The following FRMD4A variants were observed in gnomAD, a reference collection of about 807,000 sequenced individuals.
FRMD4A encodes the protein FERM domain containing 4A.
FRMD4A carries 29 observed loss-of-function variants against 129.1 expected under a neutral mutation model. The ratio of observed to expected loss-of-function variants is 0.22; its 90% CI spans 0.17 to 0.31. The LOEUF (loss-of-function observed/expected upper bound fraction) is 0.31. Ranked by LOEUF, FRMD4A falls within the 10% of genes least tolerant of loss-of-function variation. FRMD4A has a pLI of 1.00. For synonymous variants in FRMD4A, 634 were observed against 571.6 expected (o/e 1.11, Z -1.56); for missense variants, 1,272 against 1,375.8 (o/e 0.92, Z 1.19).
chr10:13,774,052 CCTCT>C (rs1446942705), intron 6 of FRMD4A, among the ~76,000 whole-genome samples: 1 of 152,212 alleles, frequency 6.6e-6, no homozygotes, highest in Non-Finnish European at 1.5e-5. Flanking sequence ...TGGCCAATGT[CCTCT>C]CTATCACCCA....
At chr10:13,882,478 C>A (rs193247202) in intron 2 of FRMD4A, among the ~76,000 whole-genome samples, 68 of 152,292 alleles carry the variant, frequency 4.5e-4, no homozygotes, top group African/African-American at 1.5e-3. Flanking sequence ...GACCAGTAAT[C>A]ACAAAGGGAA....
intron 2 of FRMD4A, among the ~76,000 whole-genome samples, chr10:14,137,304 A>G (rs1363103429): frequency 6.6e-6 from 1 of 152,208 alleles, no homozygotes. Context: ...CAAGATTTGC[A>G]GTCTACACAC....
chr10:13,714,012 C>T (rs367947525), intron 12 of FRMD4A, among the ~76,000 whole-genome samples: 2 of 4,708 alleles, frequency 4.2e-4, no homozygotes, highest in Non-Finnish European at 9.5e-4. Flanking sequence ...ATATAATATA[C>T]ATATATAAAA....
At chr10:14,087,331 A>G (rs917695039) in intron 2 of FRMD4A, among the ~76,000 whole-genome samples, 11 of 147,442 alleles carry the variant, frequency 7.5e-5, no homozygotes, top group Non-Finnish European at 1.6e-4. Flanking sequence ...TTTATAATAT[A>G]TAAATTATAT....
intron 2 of FRMD4A, among the ~76,000 whole-genome samples, chr10:14,239,398 C>T (rs189812504): frequency 8.1e-4 from 123 of 152,236 alleles, no homozygotes; most frequent in East Asian, 7.0e-3. Context: ...GAGGCCGAGG[C>T]GGGCGGATCA....
chr10:13,863,521 T>C (rs1013771219), intron 2 of FRMD4A, among the ~76,000 whole-genome samples: 1 of 151,458 alleles, frequency 6.6e-6, no homozygotes, highest in Non-Finnish European at 1.5e-5. Flanking sequence ...ACCCAGGAGG[T>C]GGTGGTTGCA....
rs559386903 is a variant in FRMD4A, at chr10:14,286,494, G to A, written c.45+43564C>T. Among the ~76,000 whole-genome samples, 11 of 152,196 alleles carry A rather than the reference G, an allele frequency of 7.2e-5. No homozygotes were observed. The East Asian group carries it at 2.1e-3, about 29-fold the overall frequency. On this transcript the variant is annotated intron_variant, in intron 2 of 24. Transcript: ENST00000357447. ...TAAGTAGTGGCTTGAGAAACAATGT[G>A]CCAGGAAAATCAAAATTTTTATGAT... is the stretch of plus-strand genomic sequence containing the variant.
At chr10:13,750,105 AAATG>A (rs145835262) in intron 8 of FRMD4A, among the ~76,000 whole-genome samples, 13,165 of 45,368 alleles carry the variant, frequency 0.29, 1,021 homozygotes, top group African/African-American at 0.38. Flanking sequence ...AGAAAGAAAG[AAATG>A]AAGAAAGAAA....
At chr10:14,178,963 C>T (rs140425861) in intron 2 of FRMD4A, among the ~76,000 whole-genome samples, 10 of 152,220 alleles carry the variant, frequency 6.6e-5, no homozygotes, top group Non-Finnish European at 1.2e-4. Flanking sequence ...TTAGCAAATG[C>T]CCTTGCCCTT....
chr10:14,175,542 T>TTA (rs1589129424), intron 2 of FRMD4A, among the ~76,000 whole-genome samples: 2 of 141,546 alleles, frequency 1.4e-5, no homozygotes, highest in African/African-American at 5.2e-5. Flanking sequence ...TTTTTTTTTT[T>TTA]ACAGGGTGTC....
intron 19 of FRMD4A, among the ~76,000 whole-genome samples, chr10:13,662,177 C>T (rs1169339279): frequency 1.3e-5 from 2 of 152,206 alleles, no homozygotes; most frequent in Non-Finnish European, 2.9e-5. Context: ...CAGAGGCCAA[C>T]CGCAGGGCTG....
At chr10:14,214,281 GC>G (rs1843011151) in intron 2 of FRMD4A, among the ~76,000 whole-genome samples, 1 of 152,128 alleles carries the variant, frequency 6.6e-6, no homozygotes, top group African/African-American at 2.4e-5. Context: ...CTACCTGGAG[GC>G]CCTGAACACA....
chr10:13,812,721 A>C (rs2093470779), intron 3 of FRMD4A, among the ~76,000 whole-genome samples: 2 of 152,188 alleles, frequency 1.3e-5, no homozygotes, highest in African/African-American at 4.8e-5. Flanking sequence ...ACTGATGAAA[A>C]CCACTTAAAC....
chr10:13,659,325 C>T lies in FRMD4A; in HGVS notation c.2064G>A (p.Thr688=), dbSNP rs368485922. ...GCAGGAAGGCCAGGCAGACTCACCT[C>T]GTGGAATGGACGTAGTGGGGACTCC... ...RVRSPHYVHS[T]RSVDISPTRL... Residue 688 remains threonine, a splice_region_variant and synonymous_variant, in exon 21 of 25, where the codon ACG becomes ACA. Transcript: ENST00000357447. 32 of 1,613,692 alleles carry T rather than the reference C, an allele frequency of 2.0e-5. No individual in the cohort carries two copies. Among genetic ancestry groups the T allele is most frequent in the South Asian group, 3.3e-5 (3 of 91,080 alleles).
At chr10:13,739,793 G>C (rs2090877785) in intron 11 of FRMD4A, among the ~76,000 whole-genome samples, 1 of 152,118 alleles carries the variant, frequency 6.6e-6, no homozygotes, top group Non-Finnish European at 1.5e-5. Flanking sequence ...TTCCCACCAG[G>C]AATTATAAAG....
rs962840495 is a variant in FRMD4A at position 13,666,276 on chromosome 10, A to C, written c.1424T>G (p.Ile475Ser). Residue 475 changes from isoleucine (I) to serine (S), a missense_variant, in exon 18 of 25, where the codon ATT becomes AGT. By Grantham distance (142) the Ile-to-Ser change is moderately radical. Coordinates refer to ENST00000357447, the MANE Select transcript of FRMD4A (RefSeq NM_018027.5). The part of the protein sequence containing the change: ...LEREFAIQSQ[I>S]TEAARRLASD... ...GGCTAGGCGGCGGGCGGCCTCCGTA[A>C]TCTGGGACTGAATGGCAAACTCTCG... The C allele has an allele frequency of 3.1e-6, 5 of 1,613,952 alleles. No individual in the cohort carries two copies. The highest frequency in any genetic ancestry group is 1.3e-5 in the African/African-American group (1 of 74,894).
chr10:13,729,217 G>GAA (rs2090151295), intron 12 of FRMD4A, among the ~76,000 whole-genome samples: 2 of 150,288 alleles, frequency 1.3e-5, no homozygotes, highest in Non-Finnish European at 3.0e-5. Context: ...GTCCTACACT[G>GAA]TGAATGAGTA....
chr10:14,230,789 C>T (rs997793935), intron 2 of FRMD4A, among the ~76,000 whole-genome samples: 1 of 152,174 alleles, frequency 6.6e-6, no homozygotes, highest in Non-Finnish European at 1.5e-5. Context: ...CTTCCACCTT[C>T]CACCTTCAAG....
chr10:13,663,189 C>CAAGAAA (rs2082766841), intron 19 of FRMD4A, among the ~76,000 whole-genome samples: 1 of 131,108 alleles, frequency 7.6e-6, no homozygotes, highest in African/African-American at 2.7e-5. Context: ...GACCCTGTCT[C>CAAGAAA]AAAAAAAAAA....
Sources: gnomAD v4.1 joint callset for allele counts (sites outside exome capture counted in the v4.1 genomes callset) on GRCh38, gnomAD v4.1.1 for gene constraint, MANE v1.5 for transcripts, NCBI Gene and HGNC (gene_info 2026-07-23, HGNC 2026-07-21) for gene names.